Variants in NIBAN1 observed in about 807,000 individuals in gnomAD.
NIBAN1 encodes protein Niban 1.
NIBAN1 carries 81 observed loss-of-function variants against 75.1 expected under a neutral mutation model. The observed-to-expected ratio is 1.08, with a 90% CI of 0.90 to 1.30. The LOEUF (loss-of-function observed/expected upper bound fraction) is 1.30, where lower values mean the gene tolerates loss of function less well. Ranked by LOEUF, NIBAN1 falls within the 50% of genes most tolerant of loss-of-function variation. The probability of loss-of-function intolerance (pLI) is 0.00; values close to 1 mark genes in which losing one functional copy is unlikely to be tolerated. For synonymous variants in NIBAN1, 436 were observed against 424.8 expected (o/e 1.03, Z -0.32); for missense variants, 1,133 against 1,128.1 (o/e 1.00, Z -0.06).
intron 1 of NIBAN1, among the ~76,000 whole-genome samples, chr1:184,907,638 G>C (rs1042658623): frequency 6.6e-6 from 1 of 152,168 alleles, no homozygotes; most frequent in Non-Finnish European, 1.5e-5. Flanking sequence ...TCACAATACA[G>C]AGGTGTAAAA....
intron 2 of NIBAN1, among the ~76,000 whole-genome samples, chr1:184,894,773 A>T (rs890475138): frequency 3.3e-5 from 5 of 152,206 alleles, no homozygotes; most frequent in South Asian, 2.1e-4. Context: ...ACAAGCAGGT[A>T]TCAAGCCAGA....
At chr1:184,803,810 G>A (rs1654114465) in intron 11 of NIBAN1, 118 bp from the exon 12 acceptor site, 1 of 762,972 alleles carries the variant, frequency 1.3e-6, no homozygotes, top group Non-Finnish European at 2.2e-6. Context: ...GAGAACTCTT[G>A]TATTTCCAAG....
At chr1:184,798,950 G>A (rs1400454670) in intron 12 of NIBAN1, among the ~76,000 whole-genome samples, 1 of 151,952 alleles carries the variant, frequency 6.6e-6, no homozygotes, top group African/African-American at 2.4e-5. Flanking sequence ...TCATTATATG[G>A]ATAAACAAAA....
chr1:184,901,990 C>T (rs1190112447), intron 1 of NIBAN1, among the ~76,000 whole-genome samples: 1 of 152,130 alleles, frequency 6.6e-6, no homozygotes. Context: ...GCAAGTGTAT[C>T]TGGACTTTAG....
At chr1:184,804,978 C>T (rs1002277474) in intron 11 of NIBAN1, among the ~76,000 whole-genome samples, 12 of 152,132 alleles carry the variant, frequency 7.9e-5, no homozygotes, top group African/African-American at 2.4e-4. Flanking sequence ...TTAGTAGAGA[C>T]GGGGTTTCAC....
intron 4 of NIBAN1, among the ~76,000 whole-genome samples, chr1:184,885,627 C>G (rs534718352): frequency 3.9e-5 from 6 of 152,270 alleles, no homozygotes; most frequent in African/African-American, 1.4e-4. Flanking sequence ...GCTCTCTGCC[C>G]TGCACTCTCT....
chr1:184,931,191 G>T (rs1199703577), intron 1 of NIBAN1, among the ~76,000 whole-genome samples: 1 of 151,788 alleles, frequency 6.6e-6, no homozygotes, highest in Non-Finnish European at 1.5e-5. Context: ...GTAGAGACGG[G>T]GTTTCACCAT....
chr1:184,934,704 G>A (rs1380965906), intron 1 of NIBAN1, among the ~76,000 whole-genome samples: 1 of 152,100 alleles, frequency 6.6e-6, no homozygotes, highest in East Asian at 1.9e-4. Context: ...AGACCAGCCT[G>A]GCCAATATGG....
At position 184,795,306 on chromosome 1, in the gene NIBAN1, A is replaced by AG. The variant is rs1259492937; in HGVS notation, c.2457dup (p.Cys820LeufsTer7). 1 of 1,612,376 alleles carries AG rather than the reference A, an allele frequency of 6.2e-7. No individual in the cohort carries two copies. The highest frequency in any genetic ancestry group is 1.7e-5 in the Admixed American group (1 of 60,008). On this transcript the variant is annotated frameshift_variant, in exon 14 of 14. Coordinates refer to ENST00000367511, the MANE Select transcript of NIBAN1 (RefSeq NM_052966.4). LOFTEE classifies it low-confidence loss of function (END_TRUNC). ...CTTCCTTCATGGGCAGTGAGTGTGC[A>AG]GGCCTCTCCTGGGAGCTCCCCCTCC... is the stretch of plus-strand genomic sequence containing the variant.
chr1:184,866,568 C>T (rs943034528), intron 5 of NIBAN1, among the ~76,000 whole-genome samples: 1 of 152,150 alleles, frequency 6.6e-6, no homozygotes, highest in African/African-American at 2.4e-5. Flanking sequence ...CAAATCTGTT[C>T]CCTTCTCTTA....
chr1:184,829,970 A>G (rs1015884898), intron 6 of NIBAN1, among the ~76,000 whole-genome samples: 3 of 152,192 alleles, frequency 2.0e-5, no homozygotes, highest in African/African-American at 7.2e-5. Flanking sequence ...TTGTCCACTT[A>G]GCATGTAACT....
chr1:184,866,371 G>A (rs1380560411), intron 5 of NIBAN1, among the ~76,000 whole-genome samples: 1 of 152,200 alleles, frequency 6.6e-6, no homozygotes, highest in African/African-American at 2.4e-5. Flanking sequence ...GAGTCCAAAA[G>A]TGAGCTATTG....
chr1:184,959,264 G>A (rs1484977128), intron 1 of NIBAN1, among the ~76,000 whole-genome samples: 1 of 152,184 alleles, frequency 6.6e-6, no homozygotes, highest in African/African-American at 2.4e-5. Flanking sequence ...GGAGAATGTT[G>A]GTAGCAGGGC....
chr1:184,796,991 C>G (rs940251279), intron 13 of NIBAN1, among the ~76,000 whole-genome samples: 1 of 152,212 alleles, frequency 6.6e-6, no homozygotes, highest in Admixed American at 6.5e-5. Flanking sequence ...TTGCTGGTCT[C>G]ACTGGATTCC....
intron 9 of NIBAN1, among the ~76,000 whole-genome samples, chr1:184,809,879 A>G (rs2102200218): frequency 6.6e-6 from 1 of 152,274 alleles, no homozygotes; most frequent in South Asian, 2.1e-4. Context: ...GAAACTGATA[A>G]GCAGAGTAAT....
chr1:184,829,752 C>T (rs1339328716), intron 6 of NIBAN1, among the ~76,000 whole-genome samples: 2 of 152,148 alleles, frequency 1.3e-5, no homozygotes, highest in African/African-American at 4.8e-5. Context: ...AAGCGTGAGC[C>T]ACTGCGCCTG....
intron 1 of NIBAN1, among the ~76,000 whole-genome samples, chr1:184,943,397 C>T (rs1253004664): frequency 6.6e-6 from 1 of 152,278 alleles, no homozygotes; most frequent in South Asian, 2.1e-4. Context: ...TTAATATAGG[C>T]ATCCGATCAC....
intron 1 of NIBAN1, among the ~76,000 whole-genome samples, chr1:184,962,777 G>C (rs1048066806): frequency 6.6e-5 from 10 of 152,176 alleles, no homozygotes; most frequent in African/African-American, 2.4e-4. Flanking sequence ...AATGGGATTT[G>C]TGAGTTCATA....
intron 1 of NIBAN1, among the ~76,000 whole-genome samples, chr1:184,955,351 C>CCTTTCCTTTCCTTTCCTTTCCTTTA (rs1557929587): frequency 6.7e-6 from 1 of 149,222 alleles, no homozygotes; most frequent in African/African-American, 2.5e-5. Context: ...CCTTTCCTTT[C>CCTTTCCTTTCCTTTCCTTTCCTTTA]CTTTCCTTTT....
Sources: allele counts gnomAD v4.1 joint callset (sites outside exome capture counted in the v4.1 genomes callset), GRCh38; gene constraint gnomAD v4.1.1; transcripts MANE v1.5; gene names NCBI Gene and HGNC (gene_info 2026-07-23, HGNC 2026-07-21).